Variants in FRMD3 observed in about 807,000 individuals in gnomAD.
The protein encoded by FRMD3 is FERM domain-containing protein 3.
In FRMD3, 33 loss-of-function variants were observed where a neutral mutation model predicts 70.2. The ratio of observed to expected loss-of-function variants is 0.47; its 90% CI spans 0.36 to 0.63. The LOEUF (loss-of-function observed/expected upper bound fraction) is 0.63. Ranked by LOEUF, FRMD3 falls within the 20% of genes least tolerant of loss-of-function variation. The pLI is 0.00. For synonymous variants in FRMD3, 279 were observed against 255.9 expected (o/e 1.09, Z -0.86); for missense variants, 632 against 711.4 (o/e 0.89, Z 1.27).
At chr9:83,299,435 T>C (rs975183593) in intron 10 of FRMD3, among the ~76,000 whole-genome samples, 3 of 152,234 alleles carry the variant, frequency 2.0e-5, no homozygotes, top group African/African-American at 7.2e-5. Flanking sequence ...ATGACCCACA[T>C]ACTGGGTTTC....
intron 13 of FRMD3, among the ~76,000 whole-genome samples, chr9:83,283,541 AAAAAAAATAAT>A (rs1173147691): frequency 0.011 from 282 of 25,878 alleles, 3 homozygotes; most frequent in African/African-American, 0.014. Flanking sequence ...AAAAAAAAAA[AAAAAAAATAAT>A]AATAATAATA....
the FRMD3 span, among the ~76,000 whole-genome samples, chr9:83,552,820 G>T: frequency 1.6e-3 from 239 of 152,082 alleles, 1 homozygote; most frequent in African/African-American, 5.5e-3. Flanking sequence ...TTTTCCATTT[G>T]CTCCGTAGAT....
intron 1 of FRMD3, among the ~76,000 whole-genome samples, chr9:83,475,594 A>G (rs988852946): frequency 1.3e-5 from 2 of 152,222 alleles, no homozygotes; most frequent in South Asian, 4.1e-4. Flanking sequence ...CATCAGATAC[A>G]GTTTATTAAT....
intron 13 of FRMD3, among the ~76,000 whole-genome samples, chr9:83,259,066 G>T (rs1439891439): frequency 6.6e-6 from 1 of 152,194 alleles, no homozygotes; most frequent in African/African-American, 2.4e-5. Flanking sequence ...GGCTTTTATA[G>T]ATGCCACAAT....
intron 13 of FRMD3, among the ~76,000 whole-genome samples, chr9:83,251,773 T>C (rs1403381149): frequency 3.9e-5 from 6 of 152,182 alleles, no homozygotes; most frequent in Non-Finnish European, 8.8e-5. Flanking sequence ...ATCTTAGAGC[T>C]TGAAGACTAT....
chr9:83,571,906 A>G, the FRMD3 span, among the ~76,000 whole-genome samples: 22 of 152,358 alleles, frequency 1.4e-4, no homozygotes, highest in African/African-American at 4.8e-4. Flanking sequence ...GGTTCCCAAC[A>G]TTCAGTATAG....
the FRMD3 span, among the ~76,000 whole-genome samples, chr9:83,566,559 C>T: frequency 1.3e-5 from 2 of 152,158 alleles, no homozygotes; most frequent in Non-Finnish European, 2.9e-5. Flanking sequence ...GACCCTTCCA[C>T]CTATGAGCCT....
rs564073572 is a variant in FRMD3 at position 83,255,468 on chromosome 9, CACAAG to C, written c.1196-6957_1196-6953del. ...TGGAAGCATTCCCCCTGAAAACCAG[CACAAG>C]ACAAGGATGCCCTCTTTCACCACTC... On this transcript the variant is annotated intron_variant, in intron 13 of 13. Transcript: ENST00000304195. Among the ~76,000 whole-genome samples the C allele has an allele frequency of 5.2e-3, 782 of 151,300 alleles. 8 individuals carry two copies. Among genetic ancestry groups the C allele is most frequent in the African/African-American group, 0.018 (740 of 41,364 alleles).
At chr9:83,389,041 G>A (rs1825591403) in intron 2 of FRMD3, among the ~76,000 whole-genome samples, 1 of 150,426 alleles carries the variant, frequency 6.6e-6, no homozygotes, top group Non-Finnish European at 1.5e-5. Context: ...GACCTCCCAG[G>A]CTCAAGCTAT....
chr9:83,580,658 A>C, the FRMD3 span, among the ~76,000 whole-genome samples: 1 of 152,126 alleles, frequency 6.6e-6, no homozygotes, highest in Non-Finnish European at 1.5e-5. Flanking sequence ...CAAAGGGTAC[A>C]AAGTTTCAGC....
At chr9:83,512,129 T>C (rs572458922) in intron 1 of FRMD3, among the ~76,000 whole-genome samples, 41 of 152,308 alleles carry the variant, frequency 2.7e-4, no homozygotes, top group African/African-American at 8.9e-4. Flanking sequence ...AGAACTGCTT[T>C]TGAGGATTAA....
chr9:83,290,198 A>G (rs1563997188), intron 13 of FRMD3, among the ~76,000 whole-genome samples: 1 of 152,234 alleles, frequency 6.6e-6, no homozygotes, highest in Admixed American at 6.5e-5. Flanking sequence ...TCAGTGTCCA[A>G]TATGGCAGCC....
At chr9:83,332,699 G>C in intron 6 of FRMD3, among the ~76,000 whole-genome samples, 1 of 152,158 alleles carries the variant, frequency 6.6e-6, no homozygotes, top group East Asian at 1.9e-4. Flanking sequence ...TTATTTCTCA[G>C]CTGATTCAGA....
intron 13 of FRMD3, among the ~76,000 whole-genome samples, chr9:83,268,093 T>TA (rs1161654197): frequency 1.3e-5 from 2 of 152,242 alleles, no homozygotes; most frequent in African/African-American, 4.8e-5. Flanking sequence ...GTTAGTGTTC[T>TA]AAATGCAGGT....
chr9:83,498,184 T>A (rs1014297280), intron 1 of FRMD3, among the ~76,000 whole-genome samples: 36 of 151,926 alleles, frequency 2.4e-4, no homozygotes, highest in Admixed American at 9.2e-4. Flanking sequence ...AAAAAAAAAA[T>A]TTGTTGTCAC....
chr9:83,457,960 T>A (rs1179193890), intron 1 of FRMD3, among the ~76,000 whole-genome samples: 1 of 57,928 alleles, frequency 1.7e-5, no homozygotes, highest in Non-Finnish European at 3.5e-5. Flanking sequence ...GTAAATAAAA[T>A]AAGTAACCAT....
chr9:83,413,487 C>A (rs1157215459), intron 1 of FRMD3, among the ~76,000 whole-genome samples: 2 of 152,164 alleles, frequency 1.3e-5, no homozygotes, highest in Non-Finnish European at 2.9e-5. Flanking sequence ...AGTTCTTTCA[C>A]CTGTATGGCT....
intron 13 of FRMD3, among the ~76,000 whole-genome samples, chr9:83,264,895 T>C (rs187113564): frequency 8.6e-5 from 13 of 151,392 alleles, no homozygotes; most frequent in Non-Finnish European, 1.5e-4. Flanking sequence ...AAAAAAAAAA[T>C]TAGATACCAC....
chr9:83,254,034 A>G (rs1407046565), intron 13 of FRMD3, among the ~76,000 whole-genome samples: 5 of 149,876 alleles, frequency 3.3e-5, no homozygotes, highest in African/African-American at 1.2e-4. Flanking sequence ...CAAACACCAC[A>G]TGTTCTCACT....
Sources: gnomAD v4.1 joint callset for allele counts (sites outside exome capture counted in the v4.1 genomes callset) on GRCh38, gnomAD v4.1.1 for gene constraint, MANE v1.5 for transcripts, NCBI Gene and HGNC (gene_info 2026-07-23, HGNC 2026-07-21) for gene names.